ZNF133: variants seen among roughly 807,000 people sequenced by gnomAD.
The protein encoded by ZNF133 is zinc finger protein 133, also known as zinc finger protein 133 (clone pHZ-13).
ZNF133 carries 26 observed loss-of-function variants against 54.9 expected under a neutral mutation model. The ratio of observed to expected loss-of-function variants is 0.47; its 90% CI spans 0.35 to 0.66. The LOEUF (loss-of-function observed/expected upper bound fraction) is 0.66, where lower values mean the gene tolerates loss of function less well. Ranked by LOEUF, ZNF133 falls within the 30% of genes least tolerant of loss-of-function variation. The pLI is 0.01. For synonymous variants in ZNF133, 298 were observed against 320.3 expected (o/e 0.93, Z 0.74); for missense variants, 653 against 820.8 (o/e 0.80, Z 2.50).
At position 18,289,123 on chromosome 20, in the gene ZNF133, G is replaced by A. The variant is rs569621328; in HGVS notation, c.-432+519G>A. ...GCTTTGCTGGAGTGGAATGAGGAGC[G>A]GTCTGGCTTGACCAAACAAGCCAAG... On this transcript the variant is annotated intron_variant, in intron 1 of 6. Transcript: ENST00000425686. Among the ~76,000 whole-genome samples the A allele has an allele frequency of 1.6e-3, 237 of 152,188 alleles. 1 individual carries two copies. Among genetic ancestry groups the A allele is most frequent in the Non-Finnish European group, 2.8e-3 (189 of 68,002 alleles).
In ZNF133 at chr20:18,312,404, A is replaced by G. The variant is rs145860980; in HGVS notation, c.218-2665A>G. On this transcript the variant is annotated intron_variant, in intron 6 of 6. Coordinates refer to ENST00000425686, the MANE Select transcript of ZNF133 (RefSeq NM_001352452.2). ...TTTTATATCACTAGAATATTATGCT[A>G]ATGTTATGTTTACACTGATAAAATA... 2.5e-3 allele frequency among the ~76,000 whole-genome samples: 377 copies of G among 152,356 alleles called. 2 individuals are homozygous for G. The highest frequency in any genetic ancestry group is 5.6e-3 in the Admixed American group (86 of 15,304).
Position 18,315,137 on chromosome 20 carries a change from A to T in ZNF133, c.286A>T (p.Met96Leu), listed in dbSNP as rs752560674. The change falls in exon 7 of 7, where the codon ATG (methionine) becomes TTG (leucine). Residue 96 changes from methionine (M) to leucine (L), a missense_variant. Transcript: ENST00000425686. ...GGGTTTCTCCAGTCAGAAATTCCCC[A>T]TGCAGCATGTGCTGTGTAATCATCC... Reference protein sequence around the residue: ...PPGFSSQKFPMQHVLCNHPPW... With the variant: ...PPGFSSQKFPLQHVLCNHPPW... 6.3e-7 allele frequency: 1 copy of T among 1,590,808 alleles called. No individual in the cohort carries two copies. The highest frequency in any genetic ancestry group is 1.7e-5 in the Admixed American group (1 of 57,196).
At chr20:18,309,648 G>C (rs944060430) in intron 6 of ZNF133, among the ~76,000 whole-genome samples, 1 of 152,230 alleles carries the variant, frequency 6.6e-6, no homozygotes, top group Non-Finnish European at 1.5e-5. Flanking sequence ...CACCCTGAGA[G>C]TGCTGACAGG....
chr20:18,297,276 A>C (rs1048773824), intron 1 of ZNF133, among the ~76,000 whole-genome samples: 1 of 151,896 alleles, frequency 6.6e-6, no homozygotes, highest in African/African-American at 2.4e-5. Context: ...ATTTCAATCT[A>C]TTCCTCCTTG....
intron 3 of ZNF133, among the ~76,000 whole-genome samples, chr20:18,302,419 A>T (rs553129223): frequency 4.5e-4 from 68 of 152,210 alleles, no homozygotes; most frequent in Non-Finnish European, 8.8e-4. Context: ...AAAAAAAAAA[A>T]AAATCAATGC....
In ZNF133 at chr20:18,315,977, C is replaced by A; in HGVS notation, c.1126C>A (p.His376Asn). The A allele has an allele frequency of 6.2e-7, 1 of 1,614,146 alleles. No individual in the cohort carries two copies. Among genetic ancestry groups the A allele is most frequent in the Non-Finnish European group, 8.5e-7 (1 of 1,180,030 alleles). Residue 376 changes from histidine to asparagine, a missense_variant, in exon 7 of 7, where the codon CAC (histidine) becomes AAC (asparagine). Around this residue, in one of 4 missense-constraint regions of ZNF133, gnomAD observed 292 missense variants for 431.6 expected, o/e 0.68. Coordinates refer to ENST00000425686, the MANE Select transcript of ZNF133 (RefSeq NM_001352452.2). ...RSNLISHQRT[H>N]SGEKPYACKE... ...AAACCTCATCTCCCACCAGAGGACG[C>A]ACTCTGGGGAGAAGCCCTACGCCTG...
intron 3 of ZNF133, among the ~76,000 whole-genome samples, chr20:18,300,922 T>C (rs865868885): frequency 2.6e-5 from 4 of 151,962 alleles, no homozygotes; most frequent in Admixed American, 6.6e-5. Flanking sequence ...AGTAAAAAAA[T>C]AGAAGACTTG....
chr20:18,313,651 A>G (rs953299928), intron 6 of ZNF133: 1 of 152,246 alleles, frequency 6.6e-6, no homozygotes, highest in Non-Finnish European at 1.5e-5. Context: ...ACTCCACCCA[A>G]CTCAAGTTTC....
At chr20:18,310,373 C>T in intron 6 of ZNF133, 3 of 1,449,536 alleles carry the variant, frequency 2.1e-6, no homozygotes, top group Non-Finnish European at 2.7e-6. Flanking sequence ...CAGGCAATAT[C>T]AGAATCCTCA....
At position 18,315,075 on chromosome 20, in the gene ZNF133, C is replaced by G; in HGVS notation, c.224C>G (p.Pro75Arg). Residue 75 changes from proline (P) to arginine (R), a missense_variant, in exon 7 of 7, where the codon CCA becomes CGA. Pro to Arg is a moderately radical substitution (Grantham distance 103). Coordinates refer to ENST00000425686, the MANE Select transcript of ZNF133 (RefSeq NM_001352452.2). ...KCSPATCPAD[P>R]EPELYLDPFC... ...CACACTTTTCTCTCTGCAGCAGATC[C>G]AGAGCCAGAGCTCTACCTCGATCCT... The G allele has an allele frequency of 6.6e-7, 1 of 1,526,434 alleles. No homozygotes were observed. Among genetic ancestry groups the G allele is most frequent in the Non-Finnish European group, 8.8e-7 (1 of 1,138,402 alleles). The allele number at this position is 1,526,434 out of a possible 1,614,324, so 94.6% of individuals were successfully genotyped here.
chr20:18,291,540 G>A (rs150171918), intron 1 of ZNF133, among the ~76,000 whole-genome samples: 77 of 151,964 alleles, frequency 5.1e-4, no homozygotes, highest in African/African-American at 1.7e-3. Flanking sequence ...CGTGGAAAAG[G>A]CCCTGCTTCA....
In ZNF133 at chr20:18,290,815, A is replaced by G. The variant is rs560088380; in HGVS notation, c.-432+2211A>G. On this transcript the variant is annotated intron_variant, in intron 1 of 6. Coordinates refer to ENST00000425686, the MANE Select transcript of ZNF133 (RefSeq NM_001352452.2). ...AGTTTTCCTTGCATCCTTGTTTCCAAACTTACTTCCCATTAGAAGTTGTGT... is the reference window on the plus strand; with the variant it reads ...AGTTTTCCTTGCATCCTTGTTTCCAGACTTACTTCCCATTAGAAGTTGTGT... Among the ~76,000 whole-genome samples, 170 of 152,160 alleles carry G rather than the reference A, an allele frequency of 1.1e-3. 3 individuals carry two copies. In the South Asian group the frequency reaches 0.034, roughly 31 times the overall value.
chr20:18,316,192 T>C lies in ZNF133; in HGVS notation c.1341T>C (p.Phe447=), dbSNP rs200278350. ...PYVCGVCGRG[F]SLKSHLNRHQ... is the part of the protein sequence containing the mutation. ...TTTGTGGGGTGTGTGGGCGAGGCTT[T>C]AGTCTCAAGTCACACCTCAACAGAC... Residue 447 remains phenylalanine, a synonymous_variant, in exon 7 of 7, where the codon TTT becomes TTC. Coordinates refer to ENST00000425686, the MANE Select transcript of ZNF133 (RefSeq NM_001352452.2). The C allele has an allele frequency of 1.6e-5, 25 of 1,606,166 alleles. No individual in the cohort carries two copies. The South Asian group carries it at 2.2e-4, about 14-fold the overall frequency.
intron 1 of ZNF133, among the ~76,000 whole-genome samples, chr20:18,289,746 T>G (rs2040511179): frequency 6.6e-6 from 1 of 152,200 alleles, no homozygotes; most frequent in Admixed American, 6.5e-5. Flanking sequence ...AAGTGTTCAG[T>G]GAATATTACC....
At chr20:18,298,494 A>G (rs2042680146) in intron 3 of ZNF133, 30 bp downstream of exon 3, 1 of 224,750 alleles carries the variant, frequency 4.4e-6, no homozygotes, top group Non-Finnish European at 7.7e-6. Context: ...AGCTCTTAGT[A>G]TAGTAGCAGC....
At chr20:18,291,271 G>A (rs966093600) in intron 1 of ZNF133, among the ~76,000 whole-genome samples, 3 of 152,082 alleles carry the variant, frequency 2.0e-5, no homozygotes, top group Non-Finnish European at 4.4e-5. Context: ...CTATCCTTCT[G>A]TTATGTTTCG....
chr20:18,316,628 C>G lies in ZNF133; in HGVS notation c.1777C>G (p.Leu593Val), dbSNP rs2047578226. The change falls in exon 7 of 7, where the codon CTC (leucine) becomes GTC (valine). Residue 593 changes from leucine to valine, a missense_variant. Coordinates refer to ENST00000425686, the MANE Select transcript of ZNF133 (RefSeq NM_001352452.2). ...CCAAGGCTTTCTCCAAAAGTCACAC[C>G]TCACCTTACATCAAATGACACATAC... ...CGQGFLQKSH[L>V]TLHQMTHTGE... 4 of 1,614,106 alleles carry G rather than the reference C, an allele frequency of 2.5e-6. No individual in the cohort carries two copies. The Middle Eastern group carries it at 4.9e-4, about 200-fold the overall frequency.
At position 18,305,940 on chromosome 20, in the gene ZNF133, C is replaced by T. The variant is rs892083044; in HGVS notation, c.121+133C>T. 1.3e-5 allele frequency: 16 copies of T among 1,214,286 alleles called. No homozygotes were observed. Among genetic ancestry groups the T allele is most frequent in the African/African-American group, 1.2e-4 (8 of 65,454 alleles). 75.2% of individuals were successfully genotyped at this position (1,214,286 alleles called of 1,614,324 possible). A position where few individuals can be genotyped will look rare whatever the true frequency, so the allele number is the denominator to read the frequency against. ...GCAACTACATTTTATTCGTGTTTCC[C>T]CAGGGAGGGTCTGATTTTGCAGAGT... On this transcript the variant is annotated intron_variant, in intron 5 of 6. Coordinates refer to ENST00000425686, the MANE Select transcript of ZNF133 (RefSeq NM_001352452.2). This position sits in a 1 kb window ranked among gnomAD's most constrained non-coding sequence, Gnocchi z 4.7.
At chr20:18,303,539 C>A (rs185515411) in intron 3 of ZNF133, among the ~76,000 whole-genome samples, 2 of 152,232 alleles carry the variant, frequency 1.3e-5, no homozygotes, top group Admixed American at 6.5e-5. Flanking sequence ...TTCCTTATTT[C>A]AGAATTTACT....
Sources: allele counts gnomAD v4.1 joint callset (sites outside exome capture counted in the v4.1 genomes callset), GRCh38; gene constraint gnomAD v4.1.1; regional missense constraint gnomAD v4.1.1; non-coding constraint Gnocchi (gnomAD v3.1); transcripts MANE v1.5; gene names NCBI Gene and HGNC (gene_info 2026-07-23, HGNC 2026-07-21).